The following MICU1 variants were observed in gnomAD, a reference collection of about 807,000 sequenced individuals.
The protein encoded by MICU1 is mitochondrial calcium uptake 1.
A neutral mutation model predicts 56.8 loss-of-function variants in MICU1; 45 were observed. That is an observed-to-expected ratio of 0.79 (90% CI 0.62 to 1.02). The LOEUF is 1.02. Among genes scored for constraint, MICU1 ranks in the 50% least tolerant of loss-of-function variants. MICU1 has a pLI of 0.00. For synonymous variants in MICU1, 186 were observed against 195.1 expected (o/e 0.95, Z 0.39); for missense variants, 504 against 587.1 (o/e 0.86, Z 1.46).
intron 6 of MICU1, among the ~76,000 whole-genome samples, chr10:72,500,245 TATACATAC>T (rs1437634175): frequency 1.1e-5 from 1 of 90,580 alleles, no homozygotes; most frequent in African/African-American, 5.8e-5. Flanking sequence ...TAAACTATTA[TATACATAC>T]ATACATACAT....
At chr10:72,526,846 T>C (rs1299002974) in intron 5 of MICU1, among the ~76,000 whole-genome samples, 1 of 151,216 alleles carries the variant, frequency 6.6e-6, no homozygotes, top group Admixed American at 6.6e-5. Context: ...TAATACTGTT[T>C]GCTCAAAAAA....
chr10:72,438,779 C>T (rs1864821355), intron 8 of MICU1, among the ~76,000 whole-genome samples: 1 of 152,146 alleles, frequency 6.6e-6, no homozygotes, highest in Non-Finnish European at 1.5e-5. Flanking sequence ...CACCTCTACA[C>T]AAATAAACTA....
intron 11 of MICU1, among the ~76,000 whole-genome samples, chr10:72,374,903 C>T (rs995794036): frequency 2.0e-5 from 3 of 149,058 alleles, no homozygotes; most frequent in Admixed American, 1.4e-4. Context: ...TGCTGCCTCC[C>T]GGGTTCAAGT....
In MICU1 at chr10:72,423,251, G is replaced by T; in HGVS notation, c.1054C>A (p.His352Asn). Residue 352 changes from histidine to asparagine, a missense_variant, in exon 9 of 12, where the codon CAC becomes AAC. Coordinates refer to ENST00000361114, the MANE Select transcript of MICU1 (RefSeq NM_001195518.2). ...CTACCTACCTTTCCTTCTTTGAAGT[G>T]CTTCTTGAGCTGCCTCTGCATGGCG... ...LTAMQRQLKK[H>N]FKEGKGLTFQ... 1 of 1,613,408 alleles carries T rather than the reference G, an allele frequency of 6.2e-7. No individual in the cohort carries two copies. The highest frequency in any genetic ancestry group is 8.5e-7 in the Non-Finnish European group (1 of 1,179,668).
At chr10:72,452,573 T>C (rs748736550) in intron 8 of MICU1, among the ~76,000 whole-genome samples, 87 of 152,194 alleles carry the variant, frequency 5.7e-4, no homozygotes, top group Non-Finnish European at 9.1e-4. Flanking sequence ...TATGTTTAGA[T>C]ACACAATTAC....
chr10:72,439,561 C>G (rs1476222227), intron 8 of MICU1, among the ~76,000 whole-genome samples: 1 of 152,086 alleles, frequency 6.6e-6, no homozygotes. Flanking sequence ...GGCAATCAAG[C>G]AAGAGAAAGA....
chr10:72,397,283 C>A (rs1245951708), intron 10 of MICU1, among the ~76,000 whole-genome samples: 1 of 152,118 alleles, frequency 6.6e-6, no homozygotes, highest in Non-Finnish European at 1.5e-5. Flanking sequence ...CTGAAGGAAG[C>A]ACTAAACATG....
At chr10:72,463,262 C>T (rs1001490203) in intron 8 of MICU1, among the ~76,000 whole-genome samples, 1 of 152,150 alleles carries the variant, frequency 6.6e-6, no homozygotes, top group African/African-American at 2.4e-5. Flanking sequence ...GCGGTTTCTC[C>T]ATGTTGGTCA....
chr10:72,466,005 T>G (rs1385099061), intron 8 of MICU1, among the ~76,000 whole-genome samples: 3 of 152,172 alleles, frequency 2.0e-5, no homozygotes, highest in African/African-American at 7.2e-5. Flanking sequence ...ACCATACAAT[T>G]TTTTTCCATT....
At chr10:72,540,850 G>C (rs1166547075) in intron 4 of MICU1, among the ~76,000 whole-genome samples, 3 of 152,198 alleles carry the variant, frequency 2.0e-5, no homozygotes, top group African/African-American at 7.2e-5. Flanking sequence ...TTCTGAGGTT[G>C]GCTTTCTTTC....
chr10:72,605,869 G>A (rs778204834), intron 1 of MICU1, among the ~76,000 whole-genome samples: 2 of 152,136 alleles, frequency 1.3e-5, no homozygotes, highest in African/African-American at 2.4e-5. Context: ...GGTGACTCAC[G>A]CCTATAATCC....
chr10:72,391,046 A>G (rs1863050979), intron 10 of MICU1, among the ~76,000 whole-genome samples: 1 of 152,268 alleles, frequency 6.6e-6, no homozygotes, highest in African/African-American at 2.4e-5. Context: ...TGCTTTATGT[A>G]GATTTAGTCT....
chr10:72,427,733 A>AAT (rs58696519), intron 8 of MICU1, among the ~76,000 whole-genome samples: 5,060 of 135,246 alleles, frequency 0.037, 112 homozygotes, highest in East Asian at 0.072. Flanking sequence ...CCATCTCTAA[A>AAT]ATATATATAT....
chr10:72,368,705 A>G (rs1226453477), intron 11 of MICU1, among the ~76,000 whole-genome samples: 1 of 152,142 alleles, frequency 6.6e-6, no homozygotes, highest in Non-Finnish European at 1.5e-5. Context: ...GGGTAAACGG[A>G]GGATGCTATG....
chr10:72,497,619 T>G (rs906401878), intron 6 of MICU1, among the ~76,000 whole-genome samples: 4 of 152,042 alleles, frequency 2.6e-5, no homozygotes, highest in African/African-American at 9.7e-5. Context: ...CAACCATCAG[T>G]AGAAGAAAAA....
At chr10:72,614,291 C>T (rs1263671405) in intron 1 of MICU1, among the ~76,000 whole-genome samples, 3 of 151,828 alleles carry the variant, frequency 2.0e-5, no homozygotes, top group Non-Finnish European at 4.4e-5. Context: ...TAAAATAGTG[C>T]AGGCACTACA....
intron 6 of MICU1, 55 bp downstream of exon 6, chr10:72,508,100 T>G: frequency 1.2e-6 from 1 of 804,134 alleles, no homozygotes; most frequent in Admixed American, 3.2e-5. Context: ...TAAACAATTA[T>G]GTTTATAGTC....
At chr10:72,583,276 G>A (rs1172467095) in intron 1 of MICU1, among the ~76,000 whole-genome samples, 1 of 125,060 alleles carries the variant, frequency 8.0e-6, no homozygotes, top group Non-Finnish European at 1.7e-5. Flanking sequence ...TAGTTTGGCT[G>A]AATGCATTTT....
At chr10:72,619,192 C>T (rs960593593) in intron 1 of MICU1, among the ~76,000 whole-genome samples, 3 of 152,214 alleles carry the variant, frequency 2.0e-5, no homozygotes, top group African/African-American at 4.8e-5. Context: ...CACCTGTAAT[C>T]CCAGCACTTT....
Sources: allele counts gnomAD v4.1 joint callset (sites outside exome capture counted in the v4.1 genomes callset), GRCh38; gene constraint gnomAD v4.1.1; transcripts MANE v1.5; gene names NCBI Gene and HGNC (gene_info 2026-07-23, HGNC 2026-07-21).